MAST4: variants seen among roughly 807,000 people sequenced by gnomAD.
MAST4 encodes the protein microtubule associated serine/threonine kinase family member 4.
Under a neutral mutation model 162.7 loss-of-function variants are expected in MAST4, and 89 were observed. The ratio of observed to expected loss-of-function variants is 0.55; its 90% confidence interval spans 0.46 to 0.65. The LOEUF (loss-of-function observed/expected upper bound fraction) is 0.65. MAST4 is among the 30% of genes least tolerant of loss of function. MAST4 has a pLI of 0.00. For missense variants in MAST4, 3,153 were observed against 3,374.0 expected (o/e 0.93, Z 1.62); for synonymous variants, 1,479 against 1,361.1 (o/e 1.09, Z -1.91).
intron 1 of MAST4, among the ~76,000 whole-genome samples, chr5:66,637,786 A>T (rs1406563550): frequency 1.3e-5 from 2 of 151,894 alleles, no homozygotes. Context: ...GCTGACTTTA[A>T]CTTTGACTTC....
At chr5:67,102,690 A>T (rs1393141480) in intron 9 of MAST4, 79 bp downstream of exon 9, 1 of 1,155,314 alleles carries the variant, frequency 8.7e-7, no homozygotes, top group East Asian at 2.3e-5. Flanking sequence ...TTGTTTTGTT[A>T]TAGGAAGTAA....
At chr5:66,789,891 A>G (rs905547389) in intron 3 of MAST4, 17 of 424,010 alleles carry the variant, frequency 4.0e-5, no homozygotes, top group Admixed American at 1.2e-4. Context: ...CAACTTCAGC[A>G]CTCTCCATAA....
chr5:66,828,742 T>C (rs1289697765), intron 3 of MAST4: 1 of 1,529,412 alleles, frequency 6.5e-7, no homozygotes, highest in Non-Finnish European at 8.9e-7. Context: ...GAGCGTGATG[T>C]AAGTGTTTAG....
chr5:66,959,240 T>C, intron 4 of MAST4: 1 of 779,690 alleles, frequency 1.3e-6, no homozygotes, highest in Non-Finnish European at 2.4e-6. Flanking sequence ...TGCTAACATA[T>C]AACAACCATG....
Position 66,993,812 on chromosome 5 carries a change from AT to A in MAST4, c.675-60587del, listed in dbSNP as rs1323076533. 5.3e-5 allele frequency among the ~76,000 whole-genome samples: 8 copies of A among 151,958 alleles called. No individual in the cohort carries two copies. In the East Asian group the frequency reaches 1.5e-3, roughly 29 times the overall value. The stretch of plus-strand genomic sequence containing the variant: ...ATATTCCATTAAAAGAGGTTTTGAT[AT>A]TTTTGTGGAGTACCTCTCAAACTTT... On this transcript the variant is annotated intron_variant, in intron 4 of 28. Coordinates refer to ENST00000403625, the MANE Select transcript of MAST4 (RefSeq NM_001164664.2).
At chr5:67,005,107 C>T in intron 4 of MAST4, 1 of 739,668 alleles carries the variant, frequency 1.4e-6, no homozygotes. Flanking sequence ...GGGATCTCTG[C>T]CTGGAGAGGG....
At chr5:66,772,410 A>C (rs779723523) in intron 2 of MAST4, among the ~76,000 whole-genome samples, 8 of 152,190 alleles carry the variant, frequency 5.3e-5, no homozygotes, top group Non-Finnish European at 7.3e-5. Flanking sequence ...GACATACGCT[A>C]CTGGGTTCCA....
At chr5:66,825,391 A>C (rs1435721308) in intron 3 of MAST4, among the ~76,000 whole-genome samples, 1 of 151,746 alleles carries the variant, frequency 6.6e-6, no homozygotes, top group Non-Finnish European at 1.5e-5. Flanking sequence ...TTACGATCTT[A>C]TGGGACCACC....
In MAST4 at chr5:67,166,386, G is replaced by A. The variant is rs765031486; in HGVS notation, c.7207G>A (p.Ala2403Thr). The part of the protein sequence containing the change: ...FVHSENRLKG[A>T]ERPAAGVGKG... Reference sequence around the variant, plus strand: ...GCATAGCGAGAACCGGTTGAAAGGCGCGGAGCGGCCAGCCGCGGGGGTGGG... The same window carrying A: ...GCATAGCGAGAACCGGTTGAAAGGCACGGAGCGGCCAGCCGCGGGGGTGGG... Residue 2403 changes from alanine (A) to threonine (T), a missense_variant, in exon 29 of 29, where the codon GCG (alanine) becomes ACG (threonine). Physicochemically the swap from Ala to Thr is moderately conservative, Grantham distance 58 (BLOSUM62 0). This residue lies in a region of MAST4 where 1,644 missense variants were observed against 1,495.0 expected (regional missense o/e 1.10). Transcript: ENST00000403625. 2 of 1,611,018 alleles carry A rather than the reference G, an allele frequency of 1.2e-6. No homozygotes were observed. The highest frequency in any genetic ancestry group is 1.7e-6 in the Non-Finnish European group (2 of 1,178,470).
intron 3 of MAST4, among the ~76,000 whole-genome samples, chr5:66,812,020 G>T (rs1029066079): frequency 6.6e-6 from 1 of 152,154 alleles, no homozygotes; most frequent in Non-Finnish European, 1.5e-5. Flanking sequence ...GCTGTAAACT[G>T]CTTCTTAGCC....
intron 1 of MAST4, among the ~76,000 whole-genome samples, chr5:66,635,065 T>C (rs1745022277): frequency 6.6e-6 from 1 of 152,256 alleles, no homozygotes; most frequent in Non-Finnish European, 1.5e-5. Flanking sequence ...CAGCTTCTCA[T>C]TGTTGTACAT....
At chr5:67,157,553 C>A (rs369546906) in intron 26 of MAST4, among the ~76,000 whole-genome samples, 1 of 152,186 alleles carries the variant, frequency 6.6e-6, no homozygotes, top group Non-Finnish European at 1.5e-5. Context: ...TACCATGCCA[C>A]GTGTCAATCA....
intron 3 of MAST4, among the ~76,000 whole-genome samples, chr5:66,809,321 A>T (rs1388203167): frequency 6.6e-6 from 1 of 152,178 alleles, no homozygotes; most frequent in South Asian, 2.1e-4. Flanking sequence ...TTTCTAATCA[A>T]CTAGAGGAGC....
chr5:66,858,910 T>C (rs1759881400), intron 3 of MAST4, among the ~76,000 whole-genome samples: 1 of 152,158 alleles, frequency 6.6e-6, no homozygotes, highest in Non-Finnish European at 1.5e-5. Context: ...TTATGATTTT[T>C]ATTGCTATTG....
chr5:66,805,623 C>G (rs555283715), intron 3 of MAST4, among the ~76,000 whole-genome samples: 5 of 152,270 alleles, frequency 3.3e-5, no homozygotes, highest in African/African-American at 1.2e-4. Context: ...GTCAGTTTTC[C>G]TTGTTCAGCT....
chr5:66,690,184 TAAG>T (rs1160393980), intron 1 of MAST4, among the ~76,000 whole-genome samples: 1 of 152,166 alleles, frequency 6.6e-6, no homozygotes, highest in Non-Finnish European at 1.5e-5. Context: ...ATTCATCAAA[TAAG>T]AACCACCATA....
chr5:67,162,537 C>T (rs1173094412), intron 27 of MAST4, 70 bp from the exon 28 acceptor site: 3 of 1,434,846 alleles, frequency 2.1e-6, no homozygotes, highest in Non-Finnish European at 1.9e-6. Flanking sequence ...GAGCTGAGCA[C>T]AATGGTATTT....
chr5:66,952,791 C>T (rs1377735594), intron 4 of MAST4, among the ~76,000 whole-genome samples: 1 of 151,572 alleles, frequency 6.6e-6, no homozygotes, highest in Non-Finnish European at 1.5e-5. Flanking sequence ...CATGACCTGG[C>T]AATTTTCATC....
intron 1 of MAST4, among the ~76,000 whole-genome samples, chr5:66,715,429 A>G (rs1008937784): frequency 1.3e-5 from 2 of 150,614 alleles, no homozygotes; most frequent in East Asian, 2.0e-4. Flanking sequence ...GGCCACAGCT[A>G]TCACAACACT....
Sources: allele counts gnomAD v4.1 joint callset (sites outside exome capture counted in the v4.1 genomes callset), GRCh38; gene constraint gnomAD v4.1.1; regional missense constraint gnomAD v4.1.1; transcripts MANE v1.5; gene names NCBI Gene and HGNC (gene_info 2026-07-23, HGNC 2026-07-21).